Variants in RBPJ observed in about 807,000 individuals in gnomAD.
RBPJ encodes recombining binding protein suppressor of hairless.
Under a neutral mutation model 67.8 loss-of-function variants are expected in RBPJ, and 9 were observed. The ratio of observed to expected loss-of-function variants is 0.13; its 90% CI spans 0.08 to 0.23. The LOEUF (loss-of-function observed/expected upper bound fraction) is 0.23, where lower values mean the gene tolerates loss of function less well. Ranked by LOEUF, RBPJ falls within the 10% of genes least tolerant of loss-of-function variation. The pLI is 1.00. For missense variants in RBPJ, 305 were observed against 595.6 expected, an observed-to-expected ratio of 0.51 and a Z score of 5.08; for synonymous variants, 198 against 203.3, an observed-to-expected ratio of 0.97 and a Z score of 0.22.
intron 1 of RBPJ, among the ~76,000 whole-genome samples, chr4:26,164,180 A>T (rs1200009781): frequency 6.6e-6 from 1 of 152,236 alleles, no homozygotes; most frequent in Non-Finnish European, 1.5e-5. Flanking sequence ...GGACAGAGAA[A>T]GGCCCACAGC....
chr4:26,366,453 T>G (rs2109525751), intron 1 of RBPJ, among the ~76,000 whole-genome samples: 1 of 152,266 alleles, frequency 6.6e-6, no homozygotes, highest in East Asian at 1.9e-4. Context: ...AGACCAAGTC[T>G]TGCTCTGTCA....
the RBPJ span, among the ~76,000 whole-genome samples, chr4:26,139,683 G>A: frequency 6.6e-6 from 1 of 152,238 alleles, no homozygotes; most frequent in East Asian, 1.9e-4. Context: ...TGCACAGAGT[G>A]GGGCCACAGG....
intron 5 of RBPJ, among the ~76,000 whole-genome samples, chr4:26,423,323 G>A (rs1735329151): frequency 6.6e-6 from 1 of 152,212 alleles, no homozygotes; most frequent in Non-Finnish European, 1.5e-5. Context: ...TCCTGCTAAA[G>A]GCAGGCCAAG....
rs550376780 is a variant in RBPJ, at chr4:26,308,548, T to C, written c.-166-53898T>C. Among the ~76,000 whole-genome samples, 8 of 152,374 alleles carry C rather than the reference T, an allele frequency of 5.3e-5. No individual in the cohort carries two copies. The South Asian group carries it at 1.7e-3, about 32-fold the overall frequency. ...GTTAACCTAATTACAGCAGCAACTA[T>C]TGAAAGAGACAATGTACAACTTTGC... On this transcript the variant is annotated intron_variant, in intron 1 of 4. Coordinates refer to the RBPJ transcript ENST00000512351.
At position 26,424,079 on chromosome 4, in the gene RBPJ, A is replaced by G. The variant is rs1016011214; in HGVS notation, c.497-263A>G. 1.3e-5 allele frequency among the ~76,000 whole-genome samples: 2 copies of G among 152,216 alleles called. No individual in the cohort carries two copies. Among genetic ancestry groups the G allele is most frequent in the East Asian group, 3.8e-4 (2 of 5,196 alleles). ...TTTAAAAGTAAGTTTTTCTCTAATA[A>G]TCAGCACCACATTAAACATACTGTG... is the stretch of plus-strand genomic sequence containing the variant. On this transcript the variant is annotated intron_variant, in intron 5 of 10. Coordinates refer to ENST00000355476, the MANE Select transcript of RBPJ (RefSeq NM_015874.6). The surrounding 1 kb of genome is among the most constrained non-coding windows in gnomAD (Gnocchi z 5.3).
rs543167963 is a variant in RBPJ at position 26,361,056 on chromosome 4, T to C, written c.21-25297T>C. Among the ~76,000 whole-genome samples, 357 of 148,702 alleles carry C rather than the reference T, an allele frequency of 2.4e-3. 3 individuals carry two copies. Among genetic ancestry groups the C allele is most frequent in the African/African-American group, 8.6e-3 (343 of 39,794 alleles). ...ATATCCTTTCAGGAGTGAGTGTGTG[T>C]GCGTGTGTGTGTGTGTGTGTGTGTC... On this transcript the variant is annotated intron_variant, in intron 1 of 10. Coordinates refer to ENST00000355476, the MANE Select transcript of RBPJ (RefSeq NM_015874.6).
the RBPJ span, among the ~76,000 whole-genome samples, chr4:26,154,736 G>C: frequency 2.0e-5 from 3 of 152,206 alleles, no homozygotes; most frequent in Admixed American, 2.0e-4. Flanking sequence ...TCTACTTCTG[G>C]CAAGGCCTAA....
the RBPJ span, among the ~76,000 whole-genome samples, chr4:26,121,873 C>CTTTTTTTTTTTTTTT: frequency 1.1e-5 from 1 of 94,108 alleles, no homozygotes; most frequent in African/African-American, 4.1e-5. Flanking sequence ...GAGTATCTCT[C>CTTTTTTTTTTTTTTT]TTTTTTTTTT....
chr4:26,140,834 C>CAAAT, the RBPJ span, among the ~76,000 whole-genome samples: 80,794 of 138,212 alleles, frequency 0.58, 25,093 homozygotes, highest in East Asian at 0.76. Context: ...GACCCTTCCA[C>CAAAT]AAATAAATAA....
At chr4:26,237,134 G>A (rs1330964730) in intron 1 of RBPJ, among the ~76,000 whole-genome samples, 5 of 152,150 alleles carry the variant, frequency 3.3e-5, no homozygotes, top group East Asian at 1.9e-4. Flanking sequence ...TGGCAGACTC[G>A]ATAGCTCTGG....
intron 1 of RBPJ, among the ~76,000 whole-genome samples, chr4:26,314,443 C>T (rs1325539346): frequency 1.3e-5 from 2 of 152,160 alleles, no homozygotes; most frequent in Admixed American, 1.3e-4. Context: ...TGTGTCTCCG[C>T]CCAAATCTTA....
the RBPJ span, among the ~76,000 whole-genome samples, chr4:26,144,510 TCCAC>T: frequency 6.6e-6 from 1 of 152,090 alleles, no homozygotes; most frequent in Non-Finnish European, 1.5e-5. Context: ...CCTCAGGGGA[TCCAC>T]CCACCTCAGC....
chr4:26,227,503 G>A (rs546348010), intron 1 of RBPJ, among the ~76,000 whole-genome samples: 3 of 152,312 alleles, frequency 2.0e-5, no homozygotes, highest in South Asian at 2.1e-4. Flanking sequence ...CTAGTCTAGG[G>A]AAAAGGGCCC....
upstream of RBPJ, among the ~76,000 whole-genome samples, chr4:26,160,396 G>A (rs779751572): frequency 5.3e-5 from 8 of 152,298 alleles, no homozygotes; most frequent in Non-Finnish European, 1.2e-4. Flanking sequence ...AAATGCATCA[G>A]GGGAGGACAA....
At chr4:26,119,664 C>A in the RBPJ span, among the ~76,000 whole-genome samples, 2 of 152,194 alleles carry the variant, frequency 1.3e-5, no homozygotes, top group Non-Finnish European at 2.9e-5. Context: ...TCCAAATCAC[C>A]AGCTGAAATC....
chr4:26,287,315 G>T (rs1305405640), intron 1 of RBPJ, among the ~76,000 whole-genome samples: 1 of 151,848 alleles, frequency 6.6e-6, no homozygotes, highest in Non-Finnish European at 1.5e-5. Flanking sequence ...CAAGGTAAGA[G>T]AATCACTTGA....
chr4:26,249,127 G>C (rs1485884860), intron 1 of RBPJ, among the ~76,000 whole-genome samples: 8 of 151,900 alleles, frequency 5.3e-5, no homozygotes, highest in Admixed American at 5.2e-4. Context: ...AAAGAAGAAA[G>C]AGAAGTGATA....
chr4:26,224,397 T>C (rs576352245), intron 1 of RBPJ, among the ~76,000 whole-genome samples: 1 of 152,210 alleles, frequency 6.6e-6, no homozygotes, highest in Non-Finnish European at 1.5e-5. Context: ...GCCAAACTAA[T>C]TTTTTGTATT....
chr4:26,235,351 G>A (rs1293855795), intron 1 of RBPJ, among the ~76,000 whole-genome samples: 1 of 152,156 alleles, frequency 6.6e-6, no homozygotes, highest in Non-Finnish European at 1.5e-5. Context: ...TTAGCTATGT[G>A]ACCTAAATAA....
Sources: gnomAD v4.1 joint callset for allele counts (sites outside exome capture counted in the v4.1 genomes callset) on GRCh38, gnomAD v4.1.1 for gene constraint, Gnocchi (gnomAD v3.1) non-coding constraint, MANE v1.5 for transcripts, NCBI Gene and HGNC (gene_info 2026-07-23, HGNC 2026-07-21) for gene names.